The following YEATS2 variants were observed in gnomAD, a reference collection of about 807,000 sequenced individuals.
YEATS2 encodes the protein YEATS domain containing 2.
In YEATS2, 77 loss-of-function variants were observed where a neutral mutation model predicts 163.2. That is an observed-to-expected ratio of 0.47 (90% CI 0.39 to 0.57). The LOEUF is 0.57. Among genes scored for constraint, YEATS2 ranks in the 20% least tolerant of loss-of-function variants. YEATS2 has a pLI of 0.00. For synonymous variants in YEATS2, 631 were observed against 645.1 expected, an observed-to-expected ratio of 0.98 and a Z score of 0.33; for missense variants, 1,549 against 1,729.8, an observed-to-expected ratio of 0.90 and a Z score of 1.85.
chr3:183,740,219 G>T (rs1718799118), intron 8 of YEATS2, among the ~76,000 whole-genome samples: 1 of 151,160 alleles, frequency 6.6e-6, no homozygotes, highest in African/African-American at 2.4e-5. Context: ...CTGACAAAGG[G>T]CTAATATCCA....
intron 1 of YEATS2, among the ~76,000 whole-genome samples, chr3:183,712,226 T>TATTTTATTTTATTTTATTTTA: frequency 1.8e-4 from 26 of 147,140 alleles, no homozygotes; most frequent in East Asian, 1.2e-3. Context: ...TATTTTATTT[T>TATTTTATTTTATTTTATTTTA]TTGAGACAGA....
intron 12 of YEATS2, 55 bp downstream of exon 12, chr3:183,756,744 T>G (rs946887518): frequency 7.6e-7 from 1 of 1,312,366 alleles, no homozygotes; most frequent in Non-Finnish European, 9.8e-7. Flanking sequence ...TTATTAAAAA[T>G]GTAATCCTGC....
At chr3:183,761,385 C>T in intron 13 of YEATS2, 122 bp from the exon 14 acceptor site, 1 of 969,802 alleles carries the variant, frequency 1.0e-6, no homozygotes, top group Non-Finnish European at 1.6e-6. Context: ...CCGCACCCAG[C>T]CAGTCTTTTT....
At chr3:183,711,673 G>A (rs1715234070) in intron 1 of YEATS2, among the ~76,000 whole-genome samples, 1 of 152,110 alleles carries the variant, frequency 6.6e-6, no homozygotes, top group Non-Finnish European at 1.5e-5. Flanking sequence ...GATAACAGCT[G>A]TAGGAAAAGT....
At chr3:183,740,921 G>C (rs1360425825) in intron 8 of YEATS2, among the ~76,000 whole-genome samples, 1 of 152,054 alleles carries the variant, frequency 6.6e-6, no homozygotes, top group Non-Finnish European at 1.5e-5. Context: ...CTTGTTAGGG[G>C]CTGGTGACTT....
chr3:183,766,575 T>A (rs1023318293), intron 15 of YEATS2, among the ~76,000 whole-genome samples: 5 of 152,220 alleles, frequency 3.3e-5, no homozygotes, highest in African/African-American at 1.2e-4. Context: ...GGTGTCTGCT[T>A]TCTCAAGCTA....
At chr3:183,730,029 A>G (rs78011590) in intron 7 of YEATS2, among the ~76,000 whole-genome samples, 2,183 of 102,770 alleles carry the variant, frequency 0.021, 74 homozygotes, top group East Asian at 0.19. Flanking sequence ...ACACATATAT[A>G]TTAATTGTGT....
At chr3:183,793,116 A>G (rs1450315369) in intron 21 of YEATS2, 3 of 1,283,634 alleles carry the variant, frequency 2.3e-6, no homozygotes, top group Non-Finnish European at 3.1e-6. Flanking sequence ...CTTGTTGCAG[A>G]TTGATACCAG....
chr3:183,727,254 T>C (rs1240789393), intron 6 of YEATS2, among the ~76,000 whole-genome samples: 1 of 152,118 alleles, frequency 6.6e-6, no homozygotes, highest in Non-Finnish European at 1.5e-5. Context: ...CAAATAATAT[T>C]AGAAATACAA....
chr3:183,725,041 CTTTTTT>C (rs62826962), intron 6 of YEATS2, among the ~76,000 whole-genome samples: 186 of 87,530 alleles, frequency 2.1e-3, no homozygotes, highest in African/African-American at 7.6e-3. Flanking sequence ...CCGTGCCGGC[CTTTTTT>C]TTTTTTTTTT....
intron 6 of YEATS2, among the ~76,000 whole-genome samples, chr3:183,725,119 T>A (rs1488151667): frequency 6.6e-6 from 1 of 151,530 alleles, no homozygotes; most frequent in African/African-American, 2.4e-5. Context: ...TATCCTATTT[T>A]TCATTTGGAT....
chr3:183,752,686 A>G (rs1336177969), intron 10 of YEATS2, among the ~76,000 whole-genome samples: 13 of 146,556 alleles, frequency 8.9e-5, no homozygotes, highest in Admixed American at 2.8e-4. Context: ...TCCAGCCTGG[A>G]CAACAGAGCG....
chr3:183,795,488 A>G (rs1291605486), intron 21 of YEATS2, among the ~76,000 whole-genome samples: 2 of 104,168 alleles, frequency 1.9e-5, no homozygotes, highest in African/African-American at 3.6e-5. Context: ...TTTTTTAGAG[A>G]CGGGGTCTTG....
intron 18 of YEATS2, 128 bp downstream of exon 18, chr3:183,776,251 AT>A (rs1396988459): frequency 3.0e-6 from 3 of 995,008 alleles, no homozygotes; most frequent in Non-Finnish European, 4.2e-6. Context: ...TGTTATCTAT[AT>A]CTATATCTTG....
chr3:183,762,224 A>G lies in YEATS2; in HGVS notation c.1892A>G (p.Gln631Arg), dbSNP rs769220045. 3 of 1,613,524 alleles carry G rather than the reference A, an allele frequency of 1.9e-6. No homozygotes were observed. The South Asian group carries it at 3.3e-5, about 18-fold the overall frequency. ...ATGATAGCTGTGTCCCCTCAAAAAC[A>G]GGTCATAACTCCTGGAGAAGGGATT... ...GHMIAVSPQK[Q>R]VITPGEGIAQ... The change falls in exon 15 of 31, where the codon CAG (glutamine) becomes CGG (arginine). Residue 631 changes from glutamine to arginine, a missense_variant. Transcript: ENST00000305135.
At chr3:183,724,273 C>A in intron 5 of YEATS2, 146 bp from the exon 6 acceptor site, 1 of 596,072 alleles carries the variant, frequency 1.7e-6, no homozygotes, top group Non-Finnish European at 2.9e-6. Context: ...TTTTTTAATG[C>A]TTTGAGAGGT....
intron 16 of YEATS2, among the ~76,000 whole-genome samples, chr3:183,772,788 C>T (rs200508211): frequency 3.0e-5 from 4 of 133,738 alleles, no homozygotes; most frequent in South Asian, 2.5e-4. Context: ...CCCACATACA[C>T]ACACACACAC....
chr3:183,755,951 G>A (rs1279954686), intron 11 of YEATS2, among the ~76,000 whole-genome samples: 2 of 151,690 alleles, frequency 1.3e-5, no homozygotes, highest in African/African-American at 4.8e-5. Flanking sequence ...TCTCCATGTT[G>A]GTCAGGCTGG....
chr3:183,774,902 A>C (rs1722815713), intron 17 of YEATS2, among the ~76,000 whole-genome samples: 1 of 152,222 alleles, frequency 6.6e-6, no homozygotes, highest in South Asian at 2.1e-4. Context: ...TAAATATTTC[A>C]GAAGTCATCC....
Sources: gnomAD v4.1 joint callset for allele counts (sites outside exome capture counted in the v4.1 genomes callset) on GRCh38, gnomAD v4.1.1 for gene constraint, MANE v1.5 for transcripts, NCBI Gene and HGNC (gene_info 2026-07-23, HGNC 2026-07-21) for gene names.